The following LRFN2 variants were observed in gnomAD, a reference collection of about 807,000 sequenced individuals.
LRFN2 encodes leucine-rich repeat and fibronectin type-III domain-containing protein 2.
LRFN2 carries 18 observed loss-of-function variants against 37.3 expected under a neutral mutation model. That is an observed-to-expected ratio of 0.48 (90% confidence interval 0.33 to 0.72). LRFN2 has a LOEUF of 0.72. Ranked by LOEUF, LRFN2 falls within the 30% of genes least tolerant of loss-of-function variation. The pLI is 0.02. For synonymous variants in LRFN2, 556 were observed against 466.6 expected, an observed-to-expected ratio of 1.19 and a Z score of -2.47; for missense variants, 1,006 against 1,060.7, an observed-to-expected ratio of 0.95 and a Z score of 0.72.
At chr6:40,524,565 T>C (rs1229080106) in intron 1 of LRFN2, among the ~76,000 whole-genome samples, 1 of 152,166 alleles carries the variant, frequency 6.6e-6, no homozygotes, top group Non-Finnish European at 1.5e-5. Flanking sequence ...GAGGCCTGGC[T>C]CACGCAGGCA....
At chr6:40,428,803 T>A (rs1200433285) in intron 2 of LRFN2, among the ~76,000 whole-genome samples, 3 of 152,232 alleles carry the variant, frequency 2.0e-5, no homozygotes, top group African/African-American at 7.2e-5. Flanking sequence ...ATTACCATTA[T>A]CTGGCTACAG....
chr6:40,557,652 C>A (rs1581793841), intron 1 of LRFN2, among the ~76,000 whole-genome samples: 1 of 152,130 alleles, frequency 6.6e-6, no homozygotes, highest in East Asian at 1.9e-4. Flanking sequence ...GGACCCAAAC[C>A]ATTGCATCCA....
intron 1 of LRFN2, among the ~76,000 whole-genome samples, chr6:40,498,994 G>A (rs993760035): frequency 2.0e-5 from 3 of 152,116 alleles, no homozygotes; most frequent in African/African-American, 7.2e-5. Context: ...CCAAACACAG[G>A]CTCAACAAAT....
At chr6:40,413,464 A>G (rs1344759389) in intron 2 of LRFN2, among the ~76,000 whole-genome samples, 2 of 152,188 alleles carry the variant, frequency 1.3e-5, no homozygotes, top group Non-Finnish European at 2.9e-5. Flanking sequence ...TAGGGCAGAC[A>G]CTGAGCATTA....
intron 1 of LRFN2, among the ~76,000 whole-genome samples, chr6:40,502,898 C>G (rs1435482888): frequency 6.6e-6 from 1 of 152,242 alleles, no homozygotes; most frequent in Non-Finnish European, 1.5e-5. Flanking sequence ...GAAGCTAGGA[C>G]AGTTGTCATA....
chr6:40,480,995 A>G (rs1339769265), intron 1 of LRFN2, among the ~76,000 whole-genome samples: 1 of 152,228 alleles, frequency 6.6e-6, no homozygotes, highest in Non-Finnish European at 1.5e-5. Context: ...CTAAACATCC[A>G]CAGAGAATCT....
At chr6:40,485,684 G>A (rs961579389) in intron 1 of LRFN2, among the ~76,000 whole-genome samples, 2 of 152,160 alleles carry the variant, frequency 1.3e-5, no homozygotes, top group Non-Finnish European at 2.9e-5. Context: ...AACTATTAAG[G>A]TAGAGTACAC....
At chr6:40,554,093 T>G (rs1766825876) in intron 1 of LRFN2, among the ~76,000 whole-genome samples, 1 of 152,196 alleles carries the variant, frequency 6.6e-6, no homozygotes, top group African/African-American at 2.4e-5. Flanking sequence ...TGCCACCACC[T>G]GGGAACCAGG....
chr6:40,480,465 T>TG (rs1417184515), intron 1 of LRFN2, among the ~76,000 whole-genome samples: 1 of 152,068 alleles, frequency 6.6e-6, no homozygotes, highest in Non-Finnish European at 1.5e-5. Context: ...TTTGTAGAGA[T>TG]GGGGGTCTTA....
intron 2 of LRFN2, among the ~76,000 whole-genome samples, chr6:40,411,707 C>T (rs570335277): frequency 6.6e-6 from 1 of 151,988 alleles, no homozygotes; most frequent in Non-Finnish European, 1.5e-5. Flanking sequence ...AGCTCCCCTT[C>T]AAGTCTTTCC....
intron 1 of LRFN2, among the ~76,000 whole-genome samples, chr6:40,564,834 C>G (rs935608852): frequency 3.3e-5 from 5 of 152,076 alleles, no homozygotes. Flanking sequence ...ACCACAATAC[C>G]CATCTCCACC....
intron 2 of LRFN2, among the ~76,000 whole-genome samples, chr6:40,422,345 G>A (rs1464419680): frequency 1.3e-5 from 2 of 152,180 alleles, no homozygotes; most frequent in Non-Finnish European, 2.9e-5. Context: ...CCAAACCCCT[G>A]ATTTCACTGG....
intron 1 of LRFN2, among the ~76,000 whole-genome samples, chr6:40,435,689 C>T (rs564583197): frequency 3.2e-4 from 49 of 152,114 alleles, no homozygotes; most frequent in Non-Finnish European, 6.5e-4. Flanking sequence ...CAGGTGCCCG[C>T]CACCACACCC....
chr6:40,469,352 G>A (rs573098625), intron 1 of LRFN2, among the ~76,000 whole-genome samples: 82 of 151,844 alleles, frequency 5.4e-4, no homozygotes, highest in South Asian at 3.1e-3. Flanking sequence ...CCAGCCATCC[G>A]GTTTGTGGTC....
At chr6:40,540,683 G>C (rs975772362) in intron 1 of LRFN2, among the ~76,000 whole-genome samples, 1 of 152,154 alleles carries the variant, frequency 6.6e-6, no homozygotes, top group Non-Finnish European at 1.5e-5. Context: ...GGAGAAACAC[G>C]GGGCCTTCTG....
chr6:40,544,280 G>A (rs1334754243), intron 1 of LRFN2, among the ~76,000 whole-genome samples: 1 of 152,230 alleles, frequency 6.6e-6, no homozygotes, highest in Non-Finnish European at 1.5e-5. Flanking sequence ...ATTGATGCCA[G>A]GCATGAAAGT....
intron 1 of LRFN2, among the ~76,000 whole-genome samples, chr6:40,513,625 T>C (rs1458550341): frequency 1.3e-5 from 2 of 152,184 alleles, no homozygotes; most frequent in African/African-American, 4.8e-5. Flanking sequence ...TGGTGTGACA[T>C]TCCGGAGGCG....
intron 1 of LRFN2, among the ~76,000 whole-genome samples, chr6:40,576,375 CAG>C (rs1272857948): frequency 6.6e-6 from 1 of 152,130 alleles, no homozygotes; most frequent in Non-Finnish European, 1.5e-5. Flanking sequence ...AGAACAGGGA[CAG>C]AGAGTGAGGG....
At chr6:40,463,306 C>T (rs1366505857) in intron 1 of LRFN2, among the ~76,000 whole-genome samples, 1 of 152,204 alleles carries the variant, frequency 6.6e-6, no homozygotes, top group Non-Finnish European at 1.5e-5. Flanking sequence ...TCTACCTCTG[C>T]AACCAGAATG....
Sources: gnomAD v4.1 joint callset for allele counts (sites outside exome capture counted in the v4.1 genomes callset) on GRCh38, gnomAD v4.1.1 for gene constraint, MANE v1.5 for transcripts, NCBI Gene and HGNC (gene_info 2026-07-23, HGNC 2026-07-21) for gene names.